CHST15: variants seen among roughly 807,000 people sequenced by gnomAD.
CHST15 encodes the protein carbohydrate sulfotransferase 15.
In CHST15, 30 loss-of-function variants were observed where a neutral mutation model predicts 53.6. That is an observed-to-expected ratio of 0.56 (90% CI 0.42 to 0.76). The LOEUF is 0.76. Among genes scored for constraint, CHST15 ranks in the 30% least tolerant of loss-of-function variants. The pLI is 0.00. For missense variants in CHST15, 627 were observed against 740.5 expected (o/e 0.85, Z 1.78); for synonymous variants, 296 against 289.8 (o/e 1.02, Z -0.22).
intron 1 of CHST15, among the ~76,000 whole-genome samples, chr10:124,070,815 G>A (rs1948889899): frequency 6.6e-6 from 1 of 152,150 alleles, no homozygotes; most frequent in South Asian, 2.1e-4. Flanking sequence ...TGAAGAAGAG[G>A]GCAGATGACC....
chr10:124,071,744 G>T (rs1268638658), intron 1 of CHST15, among the ~76,000 whole-genome samples: 1 of 152,146 alleles, frequency 6.6e-6, no homozygotes, highest in African/African-American at 2.4e-5. Context: ...ACTTAGAGTC[G>T]GAAAAGGAGT....
At chr10:124,023,759 G>GCTTC (rs1320605713) in intron 5 of CHST15, among the ~76,000 whole-genome samples, 20 of 151,606 alleles carry the variant, frequency 1.3e-4, no homozygotes, top group African/African-American at 4.6e-4. Flanking sequence ...CTCCAACCTG[G>GCTTC]CTTCCCCTCT....
intron 1 of CHST15, among the ~76,000 whole-genome samples, chr10:124,052,896 G>A (rs1160991834): frequency 6.6e-6 from 1 of 151,624 alleles, no homozygotes; most frequent in Non-Finnish European, 1.5e-5. Context: ...TGTCAGGATT[G>A]GTGGCGCACA....
rs114377774 is a variant in CHST15, at chr10:124,012,183, C to T, written c.1495+150G>A. 9.0e-4 allele frequency: 712 copies of T among 788,052 alleles called. 4 individuals carry two copies. In the African/African-American group the frequency reaches 0.011, roughly 12 times the overall value. 48.8% of individuals were successfully genotyped at this position (788,052 alleles called of 1,614,324 possible). ...TACAGCTAGTGCTCAATAAATGGTA[C>T]TTAACAGGCCTCCTGAAGGACATCC... is the stretch of plus-strand genomic sequence containing the variant. On this transcript the variant is annotated intron_variant, in intron 7 of 7. Coordinates refer to ENST00000435907, the MANE Select transcript of CHST15 (RefSeq NM_001270764.2).
intron 3 of CHST15, among the ~76,000 whole-genome samples, chr10:124,042,681 A>G (rs1349962846): frequency 6.6e-6 from 1 of 152,174 alleles, no homozygotes; most frequent in African/African-American, 2.4e-5. Context: ...AGATACCACC[A>G]CTAAGCTAGA....
chr10:124,022,137 C>A (rs1946811663), intron 5 of CHST15, among the ~76,000 whole-genome samples: 1 of 152,236 alleles, frequency 6.6e-6, no homozygotes, highest in South Asian at 2.1e-4. Context: ...TAGACCTTAA[C>A]TTTTTTACCT....
At position 124,042,394 on chromosome 10, in the gene CHST15, GA is replaced by G; in HGVS notation, c.939del (p.Leu314TrpfsTer26). On this transcript the variant is annotated frameshift_variant, in exon 4 of 8. Transcript: ENST00000435907. LOFTEE classifies it high-confidence loss of function. The part of the protein sequence containing the change: ...GLRDRYPVED[Y>X]LDLFDLAAHQ... ...TGTGCGGCCAGGTCAAAGAGGTCCA[GA>G]TAATCTTCCACGGGATAGCGGTCTC... is the stretch of plus-strand genomic sequence containing the variant. 1 of 1,614,244 alleles carries G rather than the reference GA, an allele frequency of 6.2e-7. No individual in the cohort carries two copies. The highest frequency in any genetic ancestry group is 8.5e-7 in the Non-Finnish European group (1 of 1,180,036).
At chr10:124,058,212 G>A (rs1316926369) in intron 1 of CHST15, among the ~76,000 whole-genome samples, 1 of 152,176 alleles carries the variant, frequency 6.6e-6, no homozygotes, top group Non-Finnish European at 1.5e-5. Context: ...CGAGAAGCGC[G>A]TCTACCAAAA....
At chr10:124,079,709 G>A (rs561377296) in intron 1 of CHST15, among the ~76,000 whole-genome samples, 2 of 152,262 alleles carry the variant, frequency 1.3e-5, no homozygotes, top group Admixed American at 6.5e-5. Context: ...GGCAGCACCA[G>A]GAGGGAGGAA....
At chr10:124,063,606 C>G (rs1263286922) in intron 1 of CHST15, among the ~76,000 whole-genome samples, 4 of 151,946 alleles carry the variant, frequency 2.6e-5, no homozygotes, top group Non-Finnish European at 4.4e-5. Context: ...TTCTCTTTTC[C>G]ATTAGAGACA....
At position 124,010,862 on chromosome 10, in the gene CHST15, G is replaced by A. The variant is rs1054519366; in HGVS notation, c.1496-523C>T. 4.1e-6 allele frequency: 4 copies of A among 985,342 alleles called. No homozygotes were observed. The Admixed American group carries it at 1.8e-4, about 45-fold the overall frequency. 61.0% of individuals were successfully genotyped at this position (985,342 alleles called of 1,614,324 possible). On this transcript the variant is annotated intron_variant, in intron 7 of 7. Transcript: ENST00000435907. ...GTGGCCATAGGGAGGAGGGCTGGGA[G>A]GAGGCCACTTGTGCCCAGAGCCCCC...
chr10:124,028,730 A>G (rs1212842484), intron 5 of CHST15, among the ~76,000 whole-genome samples: 1 of 152,202 alleles, frequency 6.6e-6, no homozygotes, highest in Non-Finnish European at 1.5e-5. Flanking sequence ...GGTGGCCTTG[A>G]GCTCTGACAT....
intron 1 of CHST15, among the ~76,000 whole-genome samples, chr10:124,085,277 C>T (rs1490213207): frequency 6.6e-6 from 1 of 152,252 alleles, no homozygotes; most frequent in Non-Finnish European, 1.5e-5. Context: ...GCAGCCTCCA[C>T]ATTTCTCGCC....
chr10:124,021,023 G>T (rs1052367986), intron 6 of CHST15: 2 of 1,430,578 alleles, frequency 1.4e-6, no homozygotes, highest in South Asian at 3.0e-5. Context: ...TGCTGAGGGA[G>T]GAGGGGGAGG....
At chr10:124,011,000 G>C in intron 7 of CHST15, 1 of 983,406 alleles carries the variant, frequency 1.0e-6, no homozygotes, top group Non-Finnish European at 1.2e-6. Context: ...CCCTGGAACA[G>C]GCTGGCAGAG....
chr10:124,023,239 C>CT (rs1946860031), intron 5 of CHST15, among the ~76,000 whole-genome samples: 1 of 152,094 alleles, frequency 6.6e-6, no homozygotes, highest in Admixed American at 6.5e-5. Flanking sequence ...AATCCCAGCA[C>CT]TTTAGGAGGC....
chr10:124,075,843 C>T (rs1949058098), intron 1 of CHST15, among the ~76,000 whole-genome samples: 1 of 152,164 alleles, frequency 6.6e-6, no homozygotes, highest in Admixed American at 6.5e-5. Context: ...CAAAGGAGTC[C>T]CGGGCCCTTC....
intron 1 of CHST15, among the ~76,000 whole-genome samples, chr10:124,086,098 A>G (rs766217542): frequency 1.3e-5 from 2 of 152,214 alleles, no homozygotes; most frequent in Non-Finnish European, 2.9e-5. Flanking sequence ...CGTTCAACTT[A>G]GAATGTGACC....
At chr10:124,027,959 TTTTG>T (rs1947076286) in intron 5 of CHST15, among the ~76,000 whole-genome samples, 1 of 152,198 alleles carries the variant, frequency 6.6e-6, no homozygotes, top group African/African-American at 2.4e-5. Flanking sequence ...AGTTTTCGGG[TTTTG>T]TTTGTTTAGG....
Sources: gnomAD v4.1 joint callset for allele counts (sites outside exome capture counted in the v4.1 genomes callset) on GRCh38, gnomAD v4.1.1 for gene constraint, MANE v1.5 for transcripts, NCBI Gene and HGNC (gene_info 2026-07-23, HGNC 2026-07-21) for gene names.